RSRC1: variants seen among roughly 807,000 people sequenced by gnomAD.
RSRC1 encodes the protein serine/Arginine-related protein 53.
A neutral mutation model predicts 49.1 loss-of-function variants in RSRC1; 39 were observed. The ratio of observed to expected loss-of-function variants is 0.79; its 90% CI spans 0.61 to 1.04. The LOEUF is 1.04. Among genes scored for constraint, RSRC1 ranks in the 50% least tolerant of loss-of-function variants. RSRC1 has a pLI of 0.00. For synonymous variants in RSRC1, 143 were observed against 130.8 expected (o/e 1.09, Z -0.63); for missense variants, 388 against 402.4 (o/e 0.96, Z 0.31).
At chr3:158,274,099 G>T (rs921257612) in intron 4 of RSRC1, among the ~76,000 whole-genome samples, 1 of 152,060 alleles carries the variant, frequency 6.6e-6, no homozygotes, top group Non-Finnish European at 1.5e-5. Flanking sequence ...TGTATTTTAA[G>T]AATTCTGTTT....
chr3:158,173,025 T>A (rs976227417), intron 3 of RSRC1, among the ~76,000 whole-genome samples: 1 of 152,044 alleles, frequency 6.6e-6, no homozygotes, highest in African/African-American at 2.4e-5. Context: ...TCGATATGTA[T>A]CTATCTAATT....
chr3:158,475,540 T>G (rs1738329221), intron 7 of RSRC1, among the ~76,000 whole-genome samples: 1 of 152,162 alleles, frequency 6.6e-6, no homozygotes, highest in African/African-American at 2.4e-5. Flanking sequence ...TGTCACATTT[T>G]GGTAATTCTC....
At chr3:158,316,833 C>T (rs954658654) in intron 5 of RSRC1, among the ~76,000 whole-genome samples, 3 of 152,056 alleles carry the variant, frequency 2.0e-5, no homozygotes, top group Non-Finnish European at 1.5e-5. Flanking sequence ...CCAGTTTTTT[C>T]CTTAATTCTG....
intron 6 of RSRC1, among the ~76,000 whole-genome samples, chr3:158,365,260 A>G (rs1482031323): frequency 6.6e-6 from 1 of 152,062 alleles, no homozygotes; most frequent in Non-Finnish European, 1.5e-5. Context: ...TCAACCTGTC[A>G]TCTACATTAG....
intron 5 of RSRC1, among the ~76,000 whole-genome samples, chr3:158,330,243 G>T (rs1039833323): frequency 6.6e-6 from 1 of 152,166 alleles, no homozygotes; most frequent in Non-Finnish European, 1.5e-5. Context: ...CCACTGTCCT[G>T]CCCCCACTGT....
chr3:158,321,285 C>T (rs780787598), intron 5 of RSRC1, among the ~76,000 whole-genome samples: 1 of 24,330 alleles, frequency 4.1e-5, no homozygotes, highest in Non-Finnish European at 8.1e-5. Context: ...CTTCCTCTTC[C>T]TCCTCCTCCT....
chr3:158,356,315 A>G (rs1374782859), intron 6 of RSRC1, among the ~76,000 whole-genome samples: 1 of 152,104 alleles, frequency 6.6e-6, no homozygotes, highest in Non-Finnish European at 1.5e-5. Flanking sequence ...AAGAAAATAC[A>G]TATGTGCATA....
chr3:158,175,171 C>T (rs950128300), intron 3 of RSRC1, among the ~76,000 whole-genome samples: 1 of 151,890 alleles, frequency 6.6e-6, no homozygotes, highest in South Asian at 2.1e-4. Flanking sequence ...CAATTGGTTA[C>T]TTAATGATTT....
intron 4 of RSRC1, among the ~76,000 whole-genome samples, chr3:158,258,440 GTTAT>G (rs904974272): frequency 2.0e-5 from 3 of 151,342 alleles, no homozygotes; most frequent in African/African-American, 7.3e-5. Flanking sequence ...TCCTTTTCCT[GTTAT>G]TTGTTTCTTT....
At chr3:158,373,187 A>G (rs1732172676) in intron 6 of RSRC1, among the ~76,000 whole-genome samples, 1 of 151,902 alleles carries the variant, frequency 6.6e-6, no homozygotes, top group Admixed American at 6.6e-5. Flanking sequence ...ATATGCAAAT[A>G]GAGAAAATTT....
At chr3:158,518,455 C>A (rs12489496) in intron 7 of RSRC1, among the ~76,000 whole-genome samples, 1 of 150,100 alleles carries the variant, frequency 6.7e-6, no homozygotes, top group African/African-American at 2.5e-5. Context: ...CATAGATTTT[C>A]TTTTAACTTC....
At chr3:158,325,079 G>A (rs1239231111) in intron 5 of RSRC1, among the ~76,000 whole-genome samples, 2 of 152,212 alleles carry the variant, frequency 1.3e-5, no homozygotes, top group East Asian at 1.9e-4. Flanking sequence ...TGATGGGGTT[G>A]TTTTTTTCTT....
chr3:158,422,024 A>G (rs1003461564), intron 6 of RSRC1, among the ~76,000 whole-genome samples: 7 of 151,448 alleles, frequency 4.6e-5, no homozygotes, highest in African/African-American at 1.7e-4. Flanking sequence ...AATTGATTTT[A>G]TTTGATGTAT....
At chr3:158,520,842 T>C (rs1463540020) in intron 7 of RSRC1, among the ~76,000 whole-genome samples, 1 of 152,206 alleles carries the variant, frequency 6.6e-6, no homozygotes, top group East Asian at 1.9e-4. Context: ...TGTGGGTATA[T>C]ATAAAATTTT....
At chr3:158,222,789 T>C (rs1318444096) in intron 4 of RSRC1, among the ~76,000 whole-genome samples, 1 of 151,664 alleles carries the variant, frequency 6.6e-6, no homozygotes, top group Non-Finnish European at 1.5e-5. Flanking sequence ...TTTATCATTT[T>C]GCTCTGAATC....
intron 4 of RSRC1, among the ~76,000 whole-genome samples, chr3:158,267,374 T>G (rs577422803): frequency 6.6e-6 from 1 of 152,260 alleles, no homozygotes; most frequent in East Asian, 1.9e-4. Context: ...GAGCTTTTTG[T>G]CTGTGTAAAT....
intron 4 of RSRC1, among the ~76,000 whole-genome samples, chr3:158,232,025 CT>C (rs1406231014): frequency 6.6e-5 from 10 of 152,046 alleles, no homozygotes; most frequent in Admixed American, 5.9e-4. Context: ...TAAAATGTCA[CT>C]TGTTGTTACT....
At chr3:158,170,761 T>A (rs1718835457) in intron 3 of RSRC1, among the ~76,000 whole-genome samples, 1 of 152,000 alleles carries the variant, frequency 6.6e-6, no homozygotes, top group South Asian at 2.1e-4. Flanking sequence ...TAAGCCAGAG[T>A]GTTTAGGGGC....
chr3:158,507,048 T>A (rs1005410241), intron 7 of RSRC1, among the ~76,000 whole-genome samples: 1 of 152,028 alleles, frequency 6.6e-6, no homozygotes, highest in Middle Eastern at 3.2e-3. Flanking sequence ...CAATGGAATA[T>A]TATTCAGCCA....
Sources: gnomAD v4.1 joint callset for allele counts (sites outside exome capture counted in the v4.1 genomes callset) on GRCh38, gnomAD v4.1.1 for gene constraint, MANE v1.5 for transcripts, NCBI Gene and HGNC (gene_info 2026-07-23, HGNC 2026-07-21) for gene names.